Variants in MYCBP2 observed in about 807,000 individuals in gnomAD.
MYCBP2 encodes MYC binding protein 2, also known as E3 ubiquitin-protein ligase MYCBP2.
In MYCBP2, 120 loss-of-function variants were observed where a neutral mutation model predicts 525.3. The ratio of observed to expected loss-of-function variants is 0.23; its 90% CI spans 0.20 to 0.27. The LOEUF is 0.27. Ranked by LOEUF, MYCBP2 falls within the 10% of genes least tolerant of loss-of-function variation. The probability of loss-of-function intolerance (pLI) is 1.00; values close to 1 mark genes in which losing one functional copy is unlikely to be tolerated. For synonymous variants in MYCBP2, 1,894 were observed against 1,955.8 expected (o/e 0.97, Z 0.83); for missense variants, 4,149 against 5,657.1 (o/e 0.73, Z 8.55).
intron 66 of MYCBP2, among the ~76,000 whole-genome samples, chr13:77,078,536 A>C (rs974589241): frequency 8.5e-5 from 13 of 152,180 alleles, no homozygotes; most frequent in South Asian, 2.1e-4. Context: ...ATCTGTGATA[A>C]ATTTTAAGAT....
Position 77,251,261 on chromosome 13 carries a change from G to T in MYCBP2, c.2271C>A (p.Gly757=), listed in dbSNP as rs897160326. ...KDEKSMMCPP[G]MHKWKLEQCM... ...ACTGCTCCAGCTTCCATTTGTGCAT[G>T]CCTGGAGGGCACATCATAGACTTCT... The change falls in exon 15 of 83, where the codon GGC becomes GGA. Residue 757 remains glycine, a synonymous_variant. Coordinates refer to ENST00000544440, the MANE Select transcript of MYCBP2 (RefSeq NM_015057.5). 3.7e-6 allele frequency: 6 copies of T among 1,614,138 alleles called. No homozygotes were observed. The highest frequency in any genetic ancestry group is 5.1e-6 in the Non-Finnish European group (6 of 1,179,980).
rs750961622 is a variant in MYCBP2, at chr13:77,164,464, T to C, written c.6537A>G (p.Ala2179=). The C allele has an allele frequency of 6.2e-7, 1 of 1,609,838 alleles. No homozygotes were observed. The highest frequency in any genetic ancestry group is 2.2e-5 in the East Asian group (1 of 44,846). Residue 2179 remains alanine (A), a synonymous_variant, in exon 43 of 83, where the codon GCA becomes GCG. Transcript: ENST00000544440. ...ATTGGCCACACTTACCAATAGGAAG[T>C]GCTAGGTCCTTCTTCATCAGAGCTG... ...CAAALMKKDL[A]LPIGNELEED...
intron 53 of MYCBP2, among the ~76,000 whole-genome samples, chr13:77,125,711 C>G (rs546869921): frequency 8.5e-5 from 13 of 152,270 alleles, no homozygotes; most frequent in African/African-American, 3.1e-4. Flanking sequence ...AAAGATAACA[C>G]CTAAATAATT....
chr13:77,082,059 A>G, intron 63 of MYCBP2, 66 bp from the exon 64 acceptor site: 6 of 1,417,196 alleles, frequency 4.2e-6, no homozygotes, highest in Non-Finnish European at 5.8e-6. Context: ...AGGAACTCTT[A>G]GATGAGTACT....
At chr13:77,126,256 C>T in intron 53 of MYCBP2, 62 bp downstream of exon 53, 1 of 1,412,352 alleles carries the variant, frequency 7.1e-7, no homozygotes, top group South Asian at 1.3e-5. Flanking sequence ...AGAAGAGATG[C>T]TTTGGTTGTA....
intron 49 of MYCBP2, among the ~76,000 whole-genome samples, chr13:77,143,212 T>C (rs1428487902): frequency 1.3e-5 from 2 of 152,222 alleles, no homozygotes; most frequent in African/African-American, 4.8e-5. Flanking sequence ...CCTAGAAACC[T>C]GGTAAGGCAT....
intron 45 of MYCBP2, 90 bp downstream of exon 45, chr13:77,157,847 A>T: frequency 9.6e-7 from 1 of 1,040,410 alleles, no homozygotes; most frequent in Non-Finnish European, 1.4e-6. Context: ...TTTTTAAAGT[A>T]GTATTTTAAT....
At chr13:77,149,326 G>C (rs1157372648) in intron 47 of MYCBP2, among the ~76,000 whole-genome samples, 1 of 151,416 alleles carries the variant, frequency 6.6e-6, no homozygotes, top group Middle Eastern at 3.2e-3. Flanking sequence ...ATTTGTTTCA[G>C]GTAAATTCCT....
chr13:77,163,032 T>C (rs978919660), intron 43 of MYCBP2, among the ~76,000 whole-genome samples: 1 of 152,192 alleles, frequency 6.6e-6, no homozygotes, highest in Non-Finnish European at 1.5e-5. Context: ...CAGCTTTCCT[T>C]GTTAGGCTGT....
intron 1 of MYCBP2, among the ~76,000 whole-genome samples, chr13:77,321,785 C>T (rs2081660831): frequency 6.6e-6 from 1 of 152,228 alleles, no homozygotes; most frequent in African/African-American, 2.4e-5. Flanking sequence ...TTGTATCTTG[C>T]ACTTCCAGAT....
chr13:77,116,031 G>A (rs2049690994), intron 55 of MYCBP2, among the ~76,000 whole-genome samples: 1 of 151,776 alleles, frequency 6.6e-6, no homozygotes, highest in Non-Finnish European at 1.5e-5. Context: ...TTGACCTCAA[G>A]TTCTGGCTCT....
In MYCBP2 at chr13:77,107,318, T is replaced by C. The variant is rs372885860; in HGVS notation, c.8141-8305A>G. Among the ~76,000 whole-genome samples the C allele has an allele frequency of 1.2e-4, 19 of 152,324 alleles. 1 individual carries two copies. The South Asian group carries it at 3.1e-3, about 25-fold the overall frequency. The stretch of plus-strand genomic sequence containing the variant: ...TTAGAAACTAGTTTATTGATTCTTA[T>C]AGACAATATATAAATTATGCCTTCA... On this transcript the variant is annotated intron_variant, in intron 55 of 82. Coordinates refer to ENST00000544440, the MANE Select transcript of MYCBP2 (RefSeq NM_015057.5).
In MYCBP2 at chr13:77,059,512, T is replaced by C. The variant is rs374721826; in HGVS notation, c.13140+11A>G. 29 of 1,598,452 alleles carry C rather than the reference T, an allele frequency of 1.8e-5. No homozygotes were observed. The African/African-American group carries it at 3.6e-4, about 20-fold the overall frequency. ...TGGACAATGGGATGGCCTGTGTCAC[T>C]ATATACTCACCTGGCAATCTGCATC... On this transcript the variant is annotated intron_variant, in intron 77 of 82. Coordinates refer to ENST00000544440, the MANE Select transcript of MYCBP2 (RefSeq NM_015057.5).
intron 8 of MYCBP2, 151 bp from the exon 9 acceptor site, chr13:77,264,153 A>G (rs2073743063): frequency 3.6e-6 from 2 of 552,288 alleles, no homozygotes; most frequent in Non-Finnish European, 6.3e-6. Context: ...ATTATAAATT[A>G]GCAGAAACTA....
At chr13:77,240,147 C>T (rs1294180263) in intron 17 of MYCBP2, among the ~76,000 whole-genome samples, 1 of 151,818 alleles carries the variant, frequency 6.6e-6, no homozygotes, top group Non-Finnish European at 1.5e-5. Flanking sequence ...TAATGGAGTG[C>T]TAAGAATAAT....
chr13:77,114,533 GTAAA>G (rs1441471259), intron 55 of MYCBP2, among the ~76,000 whole-genome samples: 1 of 152,040 alleles, frequency 6.6e-6, no homozygotes, highest in Non-Finnish European at 1.5e-5. Context: ...ATTCTCAAAT[GTAAA>G]TAAATAGTCA....
intron 5 of MYCBP2, chr13:77,272,469 G>C (rs566096677): frequency 6.6e-6 from 1 of 152,092 alleles, no homozygotes; most frequent in South Asian, 2.1e-4. Context: ...ATTAAAATCT[G>C]GTATATGGTA....
chr13:77,139,122 G>T lies in MYCBP2; in HGVS notation c.7659+74C>A, dbSNP rs1014636986. 2.0e-6 allele frequency: 3 copies of T among 1,489,798 alleles called. No individual in the cohort carries two copies. In the African/African-American group the frequency reaches 4.2e-5, roughly 21 times the overall value. The allele number at this position is 1,489,798 out of a possible 1,614,324, so 92.3% of individuals were successfully genotyped here. ...TTGTGGGTTACCTCAGAACTGAAAA[G>T]CCTTAATTAAAGAAAGCTCTGTAAA... On this transcript the variant is annotated intron_variant, in intron 52 of 82. Transcript: ENST00000544440.
chr13:77,214,685 C>G (rs2064549187), intron 21 of MYCBP2, among the ~76,000 whole-genome samples: 1 of 150,710 alleles, frequency 6.6e-6, no homozygotes, highest in East Asian at 1.9e-4. Context: ...TGGACTTATA[C>G]AAACCTAGAC....
Sources: allele counts gnomAD v4.1 joint callset (sites outside exome capture counted in the v4.1 genomes callset), GRCh38; gene constraint gnomAD v4.1.1; transcripts MANE v1.5; gene names NCBI Gene and HGNC (gene_info 2026-07-23, HGNC 2026-07-21).